Variants in FIGNL1 observed in about 807,000 individuals in gnomAD.
FIGNL1 encodes fidgetin-like protein 1.
A neutral mutation model predicts 28.9 loss-of-function variants in FIGNL1; 11 were observed. That is an observed-to-expected ratio of 0.38 (90% CI 0.24 to 0.63). The LOEUF is 0.63. Among genes scored for constraint, FIGNL1 ranks in the 20% least tolerant of loss-of-function variants. FIGNL1 has a pLI of 0.57. For missense variants in FIGNL1, 789 were observed against 810.4 expected (o/e 0.97, Z 0.32); for synonymous variants, 295 against 276.5 (o/e 1.07, Z -0.66).
At position 50,446,121 on chromosome 7, in the gene FIGNL1, A is replaced by G; in HGVS notation, c.1167T>C (p.Asn389=). 2 of 1,612,806 alleles carry G rather than the reference A, an allele frequency of 1.2e-6. No individual in the cohort carries two copies. Among genetic ancestry groups the G allele is most frequent in the African/African-American group, 1.3e-5 (1 of 75,008 alleles). ...LEPKMIELIM[N]EIMDHGPPVN... is the part of the protein sequence containing the mutation. ...CTGGAGGTCCATGATCCATAATCTC[A>G]TTCATAATAAGTTCAATCATCTTTG... Residue 389 remains asparagine, a synonymous_variant, in exon 4 of 4, where the codon AAT becomes AAC. Transcript: ENST00000433017.
At position 50,449,732 on chromosome 7, in the gene FIGNL1, G is replaced by C. The variant is rs1821648763; in HGVS notation, c.-725-9C>G. 1 of 152,232 alleles carries C rather than the reference G, an allele frequency of 6.6e-6. No homozygotes were observed. The highest frequency in any genetic ancestry group is 6.5e-5 in the Admixed American group (1 of 15,288). 9.4% of individuals were successfully genotyped at this position (152,232 alleles called of 1,614,324 possible). ...TTTCTGCCGGTTTTCACCTATAAAAGAAGCGCAGCAACATCACTGAGCTGA... is the reference window on the plus strand; with the variant it reads ...TTTCTGCCGGTTTTCACCTATAAAACAAGCGCAGCAACATCACTGAGCTGA... On this transcript the variant is annotated splice_polypyrimidine_tract_variant and intron_variant, in intron 1 of 3. Transcript: ENST00000433017.
In FIGNL1 at chr7:50,446,596, G is replaced by C; in HGVS notation, c.692C>G (p.Ser231Cys). 1 of 1,614,142 alleles carries C rather than the reference G, an allele frequency of 6.2e-7. No homozygotes were observed. The highest frequency in any genetic ancestry group is 1.1e-5 in the South Asian group (1 of 91,084). The change falls in exon 4 of 4, where the codon TCT becomes TGT. Residue 231 changes from serine (S) to cysteine (C), a missense_variant. Ser to Cys is a moderately radical substitution (Grantham distance 112, BLOSUM62 -1). Transcript: ENST00000433017. ...ATTAAGTCCTATGTTTTCTTTTGCA[G>C]AGCTGTGATTTTCCTTTTTGACATT... ...FGNVKKENHS[S>C]AKENIGLNVF...
chr7:50,447,357 T>G (rs1464354597), intron 3 of FIGNL1, 60 bp from the exon 4 acceptor site: 9 of 1,262,874 alleles, frequency 7.1e-6, no homozygotes, highest in Non-Finnish European at 9.6e-6. Flanking sequence ...ATACTTTAAA[T>G]GTAATTTTGA....
Position 50,445,692 on chromosome 7 carries a change from T to C in FIGNL1, c.1596A>G (p.Thr532=). 6.2e-7 allele frequency: 1 copy of C among 1,614,174 alleles called. No homozygotes were observed. ...TEFLVQLDGA[T]TSSEDRILVV... is the part of the protein sequence containing the mutation. ...CTAGGATACGATCTTCAGAAGATGT[T>C]GTTGCTCCATCTAATTGAACTAAAA... is the stretch of plus-strand genomic sequence containing the variant. The change falls in exon 4 of 4, where the codon ACA becomes ACG. Residue 532 remains threonine, a synonymous_variant. Transcript: ENST00000433017.
rs1054523452 is a variant in FIGNL1, at chr7:50,446,747, G to T, written c.541C>A (p.Arg181Ser). The change falls in exon 4 of 4, where the codon CGT (arginine) becomes AGT (serine). Residue 181 changes from arginine to serine, a missense_variant. Coordinates refer to ENST00000433017, the MANE Select transcript of FIGNL1 (RefSeq NM_001287492.4). Reference protein sequence around the residue: ...DRTQDFPESNRLKLLQNAQPP... With the variant: ...DRTQDFPESNSLKLLQNAQPP... ...TGGGCATTCTGAAGGAGTTTCAAAC[G>T]ATTGCTCTCCGGGAAGTCTTGGGTC... 6.2e-7 allele frequency: 1 copy of T among 1,614,050 alleles called. No individual in the cohort carries two copies. Among genetic ancestry groups the T allele is most frequent in the Non-Finnish European group, 8.5e-7 (1 of 1,180,040 alleles).
In FIGNL1 at chr7:50,445,098, T is replaced by G. The variant is rs1429777068; in HGVS notation, c.*165A>C. 2.1e-5 allele frequency: 9 copies of G among 430,994 alleles called. No homozygotes were observed. The highest frequency in any genetic ancestry group is 1.2e-4 in the African/African-American group (6 of 48,944). 26.7% of individuals were successfully genotyped at this position (430,994 alleles called of 1,614,324 possible). A position where few individuals can be genotyped will look rare whatever the true frequency, so the allele number is the denominator to read the frequency against. ...CAGGTAATCACTGGAAAGCAAAACTTACATTAACATACACTATGTCAATCA... is the reference window on the plus strand; with the variant it reads ...CAGGTAATCACTGGAAAGCAAAACTGACATTAACATACACTATGTCAATCA... On this transcript the variant is annotated 3_prime_UTR_variant, in exon 4 of 4. Coordinates refer to ENST00000433017, the MANE Select transcript of FIGNL1 (RefSeq NM_001287492.4).
At position 50,446,396 on chromosome 7, in the gene FIGNL1, C is replaced by T. The variant is rs1399800677; in HGVS notation, c.892G>A (p.Ala298Thr). The T allele has an allele frequency of 2.5e-6, 4 of 1,614,090 alleles. No homozygotes were observed. Among genetic ancestry groups the T allele is most frequent in the Admixed American group, 1.7e-5 (1 of 60,018 alleles). The stretch of plus-strand genomic sequence containing the variant: ...TGATCTACCCATAATTGTTCTTTTG[C>T]AGTTTTAAATGTAGGCAGGCTGCTA... ...EDSSLPTFKT[A>T]KEQLWVDQQK... is the part of the protein sequence containing the mutation. Residue 298 changes from alanine (A) to threonine (T), a missense_variant, in exon 4 of 4, where the codon GCA becomes ACA. By Grantham distance (58) the Ala-to-Thr change is moderately conservative. Coordinates refer to ENST00000433017, the MANE Select transcript of FIGNL1 (RefSeq NM_001287492.4).
chr7:50,448,283 T>C lies in FIGNL1; in HGVS notation c.-113A>G, dbSNP rs1251595809. On this transcript the variant is annotated 5_prime_UTR_variant, in exon 3 of 4. Coordinates refer to ENST00000433017, the MANE Select transcript of FIGNL1 (RefSeq NM_001287492.4). ...GCATGTACACAATGCTCCTTGATGC[T>C]GCTATCCTAGGTCACAGATTGAACA... 1 of 152,240 alleles carries C rather than the reference T, an allele frequency of 6.6e-6. No homozygotes were observed. The highest frequency in any genetic ancestry group is 1.5e-5 in the Non-Finnish European group (1 of 68,038). The allele number at this position is 152,240 out of a possible 1,614,324, so 9.4% of individuals were successfully genotyped here.
Position 50,444,383 on chromosome 7 carries a change from A to C in FIGNL1, c.*880T>G, listed in dbSNP as rs1351209137. The C allele has an allele frequency of 6.6e-6, 1 of 152,232 alleles. No individual in the cohort carries two copies. Among genetic ancestry groups the C allele is most frequent in the Non-Finnish European group, 1.5e-5 (1 of 68,042 alleles). 9.4% of individuals were successfully genotyped at this position (152,232 alleles called of 1,614,324 possible). Reference sequence around the variant, plus strand: ...GATACGCTTTGAAGAATAGGCTACAAGAGAGAATACATTACACAATCCTAC... The same window carrying C: ...GATACGCTTTGAAGAATAGGCTACACGAGAGAATACATTACACAATCCTAC... On this transcript the variant is annotated 3_prime_UTR_variant, in exon 4 of 4. Transcript: ENST00000433017.
In FIGNL1 at chr7:50,445,701, A is replaced by C; in HGVS notation, c.1587T>G (p.Asp529Glu). The change falls in exon 4 of 4, where the codon GAT becomes GAG. Residue 529 changes from aspartate to glutamate, a missense_variant. Transcript: ENST00000433017. ...GATCTTCAGAAGATGTTGTTGCTCC[A>C]TCTAATTGAACTAAAAATTCTGTTT... ...RIKTEFLVQL[D>E]GATTSSEDRI... 1 of 1,614,186 alleles carries C rather than the reference A, an allele frequency of 6.2e-7. No homozygotes were observed. The highest frequency in any genetic ancestry group is 8.5e-7 in the Non-Finnish European group (1 of 1,180,038).
In FIGNL1 at chr7:50,446,299, G is replaced by A. The variant is rs1820790840; in HGVS notation, c.989C>T (p.Ala330Val). The A allele has an allele frequency of 1.2e-6, 2 of 1,614,166 alleles. No individual in the cohort carries two copies. Among genetic ancestry groups the A allele is most frequent in the South Asian group, 1.1e-5 (1 of 91,076 alleles). The change falls in exon 4 of 4, where the codon GCT (alanine) becomes GTT (valine). Residue 330 changes from alanine (A) to valine (V), a missense_variant. Ala to Val is a moderately conservative substitution (Grantham distance 64, BLOSUM62 0). Coordinates refer to ENST00000433017, the MANE Select transcript of FIGNL1 (RefSeq NM_001287492.4). Reference sequence around the variant, plus strand: ...TCCAAGTATCCCTCGGGATCTACTAGCTCCTAGAGACTTTTTTACACCACC... The same window carrying A: ...TCCAAGTATCCCTCGGGATCTACTAACTCCTAGAGACTTTTTTACACCACC... ...SYGGVKKSLG[A>V]SRSRGILGKF...
At chr7:50,448,692 T>C (rs1384846099) in intron 2 of FIGNL1, 2 of 152,192 alleles carry the variant, frequency 1.3e-5, no homozygotes, top group African/African-American at 4.8e-5. Flanking sequence ...GTTCAAGTAT[T>C]TGAAATTTTG....
chr7:50,446,821 C>G lies in FIGNL1; in HGVS notation c.467G>C (p.Ser156Thr), dbSNP rs1554405882. Reference sequence around the variant, plus strand: ...AGGTAATGAGTCACTCTCTTGAGAACTACCACAAACACTAAATTTAGGAAG... The same window carrying G: ...AGGTAATGAGTCACTCTCTTGAGAAGTACCACAAACACTAAATTTAGGAAG... Reference protein sequence around the residue: ...FDLPKFSVCGSSQESDSLPNS... With the variant: ...FDLPKFSVCGTSQESDSLPNS... Residue 156 changes from serine (S) to threonine (T), a missense_variant, in exon 4 of 4, where the codon AGT becomes ACT. Ser to Thr is a moderately conservative substitution (Grantham distance 58). Coordinates refer to ENST00000433017, the MANE Select transcript of FIGNL1 (RefSeq NM_001287492.4). 6.2e-7 allele frequency: 1 copy of G among 1,613,984 alleles called. No individual in the cohort carries two copies. The highest frequency in any genetic ancestry group is 8.5e-7 in the Non-Finnish European group (1 of 1,180,050).
rs758206075 is a variant in FIGNL1, at chr7:50,446,230, T to C, written c.1058A>G (p.Asn353Ser). The C allele has an allele frequency of 4.3e-6, 7 of 1,614,190 alleles. No individual in the cohort carries two copies. Among genetic ancestry groups the C allele is most frequent in the Non-Finnish European group, 5.1e-6 (6 of 1,180,038 alleles). Residue 353 changes from asparagine to serine, a missense_variant, in exon 4 of 4, where the codon AAT (asparagine) becomes AGT (serine). Transcript: ENST00000433017. ...ATAAGGCTTACATTGCATTCCTCCA[T>C]TCTGCTCTCCCCCATCTTGCTTGGG... is the stretch of plus-strand genomic sequence containing the variant. ...PIPKQDGGEQ[N>S]GGMQCKPYGA... is the part of the protein sequence containing the mutation.
chr7:50,447,068 T>C lies in FIGNL1; in HGVS notation c.220A>G (p.Asn74Asp), dbSNP rs1821075186. 2 of 1,614,130 alleles carry C rather than the reference T, an allele frequency of 1.2e-6. No homozygotes were observed. The highest frequency in any genetic ancestry group is 2.7e-5 in the African/African-American group (2 of 74,956). ...TAATTATTCAACCCAGATTCAACAT[T>C]GTCAGAATCAATAATTGCAGAATAT... ...EKYSAIIDSD[N>D]VESGLNNYAE... The change falls in exon 4 of 4, where the codon AAT becomes GAT. Residue 74 changes from asparagine to aspartate, a missense_variant. Coordinates refer to ENST00000433017, the MANE Select transcript of FIGNL1 (RefSeq NM_001287492.4).
chr7:50,450,218 C>G (rs1470372001), intron 1 of FIGNL1, 83 bp downstream of exon 1: 1 of 152,638 alleles, frequency 6.6e-6, no homozygotes, highest in Non-Finnish European at 1.5e-5. Context: ...GAGGCACACG[C>G]CCGCCTCTCC....
chr7:50,446,354 G>C lies in FIGNL1; in HGVS notation c.934C>G (p.Gln312Glu). ...LWVDQQKKYH[Q>E]PQRASGSSYG... Reference sequence around the variant, plus strand: ...GAAGACCCTGATGCACGCTGAGGTTGGTGGTACTTTTTTTGCTGATCTACC... The same window carrying C: ...GAAGACCCTGATGCACGCTGAGGTTCGTGGTACTTTTTTTGCTGATCTACC... Residue 312 changes from glutamine to glutamate, a missense_variant, in exon 4 of 4, where the codon CAA becomes GAA. Gln to Glu is a conservative substitution (Grantham distance 29). Coordinates refer to ENST00000433017, the MANE Select transcript of FIGNL1 (RefSeq NM_001287492.4). 1 of 1,614,072 alleles carries C rather than the reference G, an allele frequency of 6.2e-7. No homozygotes were observed. The highest frequency in any genetic ancestry group is 8.5e-7 in the Non-Finnish European group (1 of 1,180,008).
Position 50,444,810 on chromosome 7 carries a change from A to G in FIGNL1, c.*453T>C, listed in dbSNP as rs1459679920. On this transcript the variant is annotated 3_prime_UTR_variant, in exon 4 of 4. Coordinates refer to ENST00000433017, the MANE Select transcript of FIGNL1 (RefSeq NM_001287492.4). ...TGAAGAAAGTAAAAATTGGCACTTT[A>G]GCTTTGAGATCTTAAATCTACTTAA... The G allele has an allele frequency of 2.0e-5, 3 of 152,336 alleles. No homozygotes were observed. The highest frequency in any genetic ancestry group is 4.4e-5 in the Non-Finnish European group (3 of 68,112). The allele number at this position is 152,336 out of a possible 1,614,324, so 9.4% of individuals were successfully genotyped here. A position where few individuals can be genotyped will look rare whatever the true frequency, so the allele number is the denominator to read the frequency against.
In FIGNL1 at chr7:50,445,658, C is replaced by T. The variant is rs1004860572; in HGVS notation, c.1630G>A (p.Ala544Thr). The T allele has an allele frequency of 3.1e-6, 5 of 1,613,954 alleles. No individual in the cohort carries two copies. The highest frequency in any genetic ancestry group is 4.2e-6 in the Non-Finnish European group (5 of 1,180,006). The change falls in exon 4 of 4, where the codon GCA becomes ACA. Residue 544 changes from alanine to threonine, a missense_variant. By Grantham distance (58) the Ala-to-Thr change is moderately conservative (BLOSUM62 0). Transcript: ENST00000433017. ...SSEDRILVVG[A>T]TNRPQEIDEA... is the part of the protein sequence containing the mutation. The stretch of plus-strand genomic sequence containing the variant: ...TCAATTTCTTGTGGCCGATTTGTTG[C>T]TCCCACCACTAGGATACGATCTTCA...
Sources: gnomAD v4.1 joint callset for allele counts on GRCh38, gnomAD v4.1.1 for gene constraint, MANE v1.5 for transcripts, NCBI Gene and HGNC (gene_info 2026-07-23, HGNC 2026-07-21) for gene names.